Variants in KIFAP3 observed in about 807,000 individuals in gnomAD.
KIFAP3 encodes kinesin associated protein 3.
Under a neutral mutation model 106.5 loss-of-function variants are expected in KIFAP3, and 68 were observed. The ratio of observed to expected loss-of-function variants is 0.64; its 90% CI spans 0.53 to 0.78. The LOEUF is 0.78. Ranked by LOEUF, KIFAP3 falls within the 30% of genes least tolerant of loss-of-function variation. The pLI, the probability that KIFAP3 is intolerant of heterozygous loss-of-function variation, is 0.00. For missense variants in KIFAP3, 780 were observed against 941.8 expected, an observed-to-expected ratio of 0.83 and a Z score of 2.25; for synonymous variants, 320 against 311.5, an observed-to-expected ratio of 1.03 and a Z score of -0.29.
chr1:169,993,106 C>CTTTTTT (rs202163966), intron 10 of KIFAP3, among the ~76,000 whole-genome samples: 1 of 130,716 alleles, frequency 7.7e-6, no homozygotes, highest in Non-Finnish European at 1.6e-5. Context: ...CTTTTCTGTC[C>CTTTTTT]TTTTTTTTTT....
intron 19 of KIFAP3, among the ~76,000 whole-genome samples, chr1:169,938,721 A>AT (rs1385246134): frequency 2.6e-5 from 4 of 152,150 alleles, no homozygotes; most frequent in African/African-American, 9.7e-5. Flanking sequence ...CAAAAATTAA[A>AT]TTACTAGGTT....
intron 19 of KIFAP3, among the ~76,000 whole-genome samples, chr1:169,927,309 C>T (rs1259779278): frequency 6.6e-6 from 1 of 152,082 alleles, no homozygotes; most frequent in African/African-American, 2.4e-5. Flanking sequence ...GGATTGGAGG[C>T]ACCTAACATG....
intron 18 of KIFAP3, among the ~76,000 whole-genome samples, chr1:169,956,708 G>A (rs140681266): frequency 8.7e-5 from 13 of 150,138 alleles, no homozygotes; most frequent in African/African-American, 3.2e-4. Flanking sequence ...TCAAACTCCT[G>A]GGTTCAAGTG....
chr1:169,976,380 T>C (rs1023718711), intron 16 of KIFAP3, among the ~76,000 whole-genome samples: 2 of 152,192 alleles, frequency 1.3e-5, no homozygotes, highest in Non-Finnish European at 2.9e-5. Flanking sequence ...GCAAGAAAAC[T>C]TGTTAACTTT....
intron 15 of KIFAP3, among the ~76,000 whole-genome samples, chr1:169,978,761 A>G (rs1310870352): frequency 6.6e-6 from 1 of 152,140 alleles, no homozygotes; most frequent in East Asian, 1.9e-4. Context: ...ATGAAATTAG[A>G]TTTAATAGTA....
At chr1:170,076,043 G>A (rs1270222176), upstream of KIFAP3, among the ~76,000 whole-genome samples, 1 of 152,126 alleles carries the variant, frequency 6.6e-6, no homozygotes, top group Non-Finnish European at 1.5e-5. Context: ...AAAATTGGAA[G>A]ACCAAAATAT....
At chr1:169,997,264 T>C (rs1667411276) in intron 10 of KIFAP3, among the ~76,000 whole-genome samples, 2 of 152,166 alleles carry the variant, frequency 1.3e-5, no homozygotes, top group Admixed American at 1.3e-4. Context: ...TGTGTGAGGA[T>C]GAGATGAGAG....
intron 1 of KIFAP3, among the ~76,000 whole-genome samples, chr1:170,065,597 G>A (rs1199708440): frequency 9.4e-6 from 1 of 106,622 alleles, no homozygotes; most frequent in Non-Finnish European, 1.7e-5. Context: ...CTGGGCGACA[G>A]AGCAAGACTC....
intron 17 of KIFAP3, among the ~76,000 whole-genome samples, chr1:169,961,615 A>C (rs1414516127): frequency 2.6e-5 from 4 of 152,080 alleles, no homozygotes; most frequent in Non-Finnish European, 5.9e-5. Context: ...AGGTCCACTT[A>C]TACACGGATT....
rs997740901 is a variant in KIFAP3, at chr1:169,966,754, C to T, written c.1984-5519G>A. On this transcript the variant is annotated intron_variant, in intron 17 of 19. Coordinates refer to ENST00000361580, the MANE Select transcript of KIFAP3 (RefSeq NM_014970.4). ...TTAAAATATGTGTTTAAAAAATTTA[C>T]AGGCTGAGTATGAAATATTATTGAG... 6.6e-5 allele frequency among the ~76,000 whole-genome samples: 10 copies of T among 151,792 alleles called. 1 individual carries two copies. In the East Asian group the frequency reaches 1.9e-3, roughly 29 times the overall value.
chr1:170,026,714 A>T (rs906217797), intron 8 of KIFAP3, among the ~76,000 whole-genome samples: 2 of 152,316 alleles, frequency 1.3e-5, no homozygotes, highest in Middle Eastern at 3.4e-3. Context: ...GGGACAGAAA[A>T]AAATGAGAGG....
chr1:169,937,064 T>C (rs1239004381), intron 19 of KIFAP3, among the ~76,000 whole-genome samples: 2 of 151,138 alleles, frequency 1.3e-5, no homozygotes, highest in African/African-American at 4.8e-5. Context: ...GTATTACTTT[T>C]ATAAGCCTGA....
intron 8 of KIFAP3, among the ~76,000 whole-genome samples, chr1:170,030,212 C>A (rs992073115): frequency 6.6e-6 from 1 of 151,428 alleles, no homozygotes; most frequent in African/African-American, 2.4e-5. Flanking sequence ...TGCTTATATC[C>A]AAAACATATA....
chr1:169,969,234 T>G (rs1176237539), intron 17 of KIFAP3, among the ~76,000 whole-genome samples: 4 of 151,988 alleles, frequency 2.6e-5, no homozygotes, highest in African/African-American at 9.7e-5. Context: ...CTTGAAAGCT[T>G]GAGTTCTAAT....
At position 170,051,498 on chromosome 1, in the gene KIFAP3, T is replaced by C. The variant is rs552337249; in HGVS notation, c.164+3807A>G. Among the ~76,000 whole-genome samples, 66 of 152,344 alleles carry C rather than the reference T, an allele frequency of 4.3e-4. 1 individual carries two copies. The highest frequency in any genetic ancestry group is 1.5e-3 in the African/African-American group (61 of 41,588). ...TCAGCTCTGGATCAAGTGTACCTAA[T>C]AGACATCCACAGAACTCTCTACTCC... On this transcript the variant is annotated intron_variant, in intron 2 of 19. Coordinates refer to ENST00000361580, the MANE Select transcript of KIFAP3 (RefSeq NM_014970.4).
At chr1:170,060,189 A>C (rs1671065185) in intron 1 of KIFAP3, among the ~76,000 whole-genome samples, 1 of 152,220 alleles carries the variant, frequency 6.6e-6, no homozygotes, top group Non-Finnish European at 1.5e-5. Context: ...GGAGAAAAAA[A>C]GGGTATTCAA....
At position 169,972,519 on chromosome 1, in the gene KIFAP3, A is replaced by T; in HGVS notation, c.1977T>A (p.Ile659=). ...IRKVCDNTLD[I]IAEYDEEWAK... is the part of the protein sequence containing the mutation. The stretch of plus-strand genomic sequence containing the variant: ...AGAAAAAATAATTACTTACCGCTAT[A>T]ATATCTAATGTATTATCACAGACCT... The change falls in exon 17 of 20, where the codon ATT becomes ATA. Residue 659 remains isoleucine, a synonymous_variant. Transcript: ENST00000361580. 7.2e-7 allele frequency: 1 copy of T among 1,391,262 alleles called. No homozygotes were observed. The highest frequency in any genetic ancestry group is 1.0e-6 in the Non-Finnish European group (1 of 983,956). 86.2% of individuals were successfully genotyped at this position (1,391,262 alleles called of 1,614,324 possible).
chr1:170,060,263 C>A (rs1671070360), intron 1 of KIFAP3, among the ~76,000 whole-genome samples: 2 of 152,042 alleles, frequency 1.3e-5, no homozygotes, highest in African/African-American at 4.8e-5. Context: ...TTTAGAAAAC[C>A]CCATCGTCTC....
At chr1:170,013,838 T>TA (rs138780210) in intron 10 of KIFAP3, among the ~76,000 whole-genome samples, 9,591 of 152,254 alleles carry the variant, frequency 0.063, 383 homozygotes, top group Non-Finnish European at 0.095. Context: ...CAACAGAATG[T>TA]AGCAATATGA....
Sources: allele counts gnomAD v4.1 joint callset (sites outside exome capture counted in the v4.1 genomes callset), GRCh38; gene constraint gnomAD v4.1.1; transcripts MANE v1.5; gene names NCBI Gene and HGNC (gene_info 2026-07-23, HGNC 2026-07-21).